AMBRA1: variants seen among roughly 807,000 people sequenced by gnomAD.
AMBRA1 encodes activating molecule in BECN1-regulated autophagy protein 1.
Under a neutral mutation model 125.4 loss-of-function variants are expected in AMBRA1, and 47 were observed. That is an observed-to-expected ratio of 0.37 (90% CI 0.30 to 0.48). The LOEUF (loss-of-function observed/expected upper bound fraction) is 0.48. Ranked by LOEUF, AMBRA1 falls within the 20% of genes least tolerant of loss-of-function variation. The pLI is 0.99. For missense variants in AMBRA1, 1,331 were observed against 1,693.4 expected (o/e 0.79, Z 3.76); for synonymous variants, 626 against 655.5 (o/e 0.95, Z 0.69).
chr11:46,564,441 A>C (rs1032021309), intron 1 of AMBRA1, among the ~76,000 whole-genome samples: 1 of 152,190 alleles, frequency 6.6e-6, no homozygotes, highest in Admixed American at 6.5e-5. Flanking sequence ...ACAGATCAGA[A>C]AACCAGGCAT....
chr11:46,475,689 GA>G (rs1949786056), intron 11 of AMBRA1, among the ~76,000 whole-genome samples: 1 of 152,138 alleles, frequency 6.6e-6, no homozygotes, highest in South Asian at 2.1e-4. Context: ...CAAAAGTTAT[GA>G]GTCATATAAA....
At chr11:46,476,314 T>A (rs1216819678) in intron 11 of AMBRA1, among the ~76,000 whole-genome samples, 1 of 152,170 alleles carries the variant, frequency 6.6e-6, no homozygotes, top group Non-Finnish European at 1.5e-5. Context: ...GAGTAGGGTG[T>A]GCACAAGTTA....
chr11:46,471,637 GTT>G (rs796326490), intron 11 of AMBRA1, among the ~76,000 whole-genome samples: 1 of 143,774 alleles, frequency 7.0e-6, no homozygotes. Flanking sequence ...GTTTTGTTTT[GTT>G]TTTTTTTTAG....
chr11:46,516,517 G>A (rs901936743), intron 7 of AMBRA1, among the ~76,000 whole-genome samples: 6 of 135,674 alleles, frequency 4.4e-5, no homozygotes, highest in South Asian at 2.5e-4. Context: ...TGCAAGCTCC[G>A]CCTCCTGGGT....
At chr11:46,505,067 G>A (rs1950982591) in intron 9 of AMBRA1, among the ~76,000 whole-genome samples, 1 of 152,204 alleles carries the variant, frequency 6.6e-6, no homozygotes, top group South Asian at 2.1e-4. Context: ...GAAGTGCTGA[G>A]AAGGTGAGGA....
chr11:46,409,236 C>T (rs1265316471), intron 16 of AMBRA1, among the ~76,000 whole-genome samples: 1 of 151,248 alleles, frequency 6.6e-6, no homozygotes, highest in South Asian at 2.1e-4. Context: ...GAGACAGTCT[C>T]GCCCTGTCAC....
chr11:46,460,930 T>C (rs1949067095), intron 11 of AMBRA1, among the ~76,000 whole-genome samples: 1 of 152,034 alleles, frequency 6.6e-6, no homozygotes, highest in Non-Finnish European at 1.5e-5. Flanking sequence ...CAAAAATAAA[T>C]AAATGAATTA....
intron 11 of AMBRA1, among the ~76,000 whole-genome samples, chr11:46,492,236 T>C (rs956522465): frequency 6.6e-6 from 1 of 152,192 alleles, no homozygotes; most frequent in Non-Finnish European, 1.5e-5. Context: ...AGTCCTGGTG[T>C]CTGACAGAGA....
rs779561872 is a variant in AMBRA1 at position 46,548,267 on chromosome 11, C to T, written c.114G>A (p.Arg38=). 3 of 1,614,054 alleles carry T rather than the reference C, an allele frequency of 1.9e-6. No homozygotes were observed. Among genetic ancestry groups the T allele is most frequent in the African/African-American group, 2.7e-5 (2 of 74,930 alleles). The change falls in exon 2 of 18, where the codon CGG becomes CGA. Residue 38 remains arginine (R), a synonymous_variant. Coordinates refer to ENST00000683756, the MANE Select transcript of AMBRA1 (RefSeq NM_001387011.1). ...TTACCTTGCCCTCCCATTTCATCCA[C>T]CGGGTTTTATCTTCTACCAGCTCCT... The part of the protein sequence containing the change: ...LLQELVEDKT[R]WMKWEGKRVE...
At chr11:46,434,115 CAA>C (rs145761376) in intron 13 of AMBRA1, among the ~76,000 whole-genome samples, 223 of 53,536 alleles carry the variant, frequency 4.2e-3, no homozygotes, top group African/African-American at 0.013. Context: ...AACTCCGTCT[CAA>C]AAAAAAAAAA....
chr11:46,542,316 G>C lies in AMBRA1; in HGVS notation c.1701C>G (p.Arg567=). ...TCAGGAGATTGTGGCAAGCACGACA[G>C]CGATTCAGGTGGCCACGGGACAGGT... is the stretch of plus-strand genomic sequence containing the variant. ...NSNLSRGHLN[R]CRACHNLLTF... Residue 567 remains arginine, a synonymous_variant, in exon 7 of 18, where the codon CGC becomes CGG. Coordinates refer to ENST00000683756, the MANE Select transcript of AMBRA1 (RefSeq NM_001387011.1). This position sits in a 1 kb window ranked among gnomAD's most constrained non-coding sequence, Gnocchi z 5.9. 1.2e-6 allele frequency: 2 copies of C among 1,614,134 alleles called. No individual in the cohort carries two copies. The highest frequency in any genetic ancestry group is 4.5e-5 in the East Asian group (2 of 44,886).
chr11:46,545,612 T>C lies in AMBRA1; in HGVS notation c.543A>G (p.Glu181=). The C allele has an allele frequency of 6.2e-7, 1 of 1,613,886 alleles. No individual in the cohort carries two copies. Among genetic ancestry groups the C allele is most frequent in the East Asian group, 2.2e-5 (1 of 44,888 alleles). ...TGGGGCAGCGCACTCACCGGACCCG[T>C]TCCATCTCACTAGCTGTCTTCACCA... ...FAVVKTASEM[E]RVRLVRFDPL... is the part of the protein sequence containing the mutation. Residue 181 remains glutamate (E), a synonymous_variant, in exon 5 of 18, where the codon GAA becomes GAG. Coordinates refer to ENST00000683756, the MANE Select transcript of AMBRA1 (RefSeq NM_001387011.1).
chr11:46,550,591 T>A (rs1329622580), intron 1 of AMBRA1, among the ~76,000 whole-genome samples: 1 of 152,198 alleles, frequency 6.6e-6, no homozygotes, highest in Non-Finnish European at 1.5e-5. Flanking sequence ...AAAATATTCA[T>A]TTTCTAATTC....
At position 46,508,266 on chromosome 11, in the gene AMBRA1, G is replaced by T. The variant is rs2135037358; in HGVS notation, c.2264C>A (p.Ser755Tyr). ...GTCTGAGGAAGAGGAGGAGGTGGAA[G>T]AACGGAGACGGTTCTGTTGGTAGCG... is the stretch of plus-strand genomic sequence containing the variant. ...SMRYQQNRLRSSTSSSSSDNQ... is the reference protein window; with the variant it reads ...SMRYQQNRLRYSTSSSSSDNQ... The change falls in exon 9 of 18, where the codon TCT (serine) becomes TAT (tyrosine). Residue 755 changes from serine (S) to tyrosine (Y), a missense_variant. This residue lies in a region of AMBRA1 where 689 missense variants were observed against 776.5 expected (regional missense o/e 0.89). Transcript: ENST00000683756. 3.1e-6 allele frequency: 5 copies of T among 1,614,222 alleles called. No individual in the cohort carries two copies. In the South Asian group the frequency reaches 5.5e-5, roughly 18 times the overall value.
At chr11:46,569,045 G>A (rs926208792) in intron 1 of AMBRA1, among the ~76,000 whole-genome samples, 2 of 151,588 alleles carry the variant, frequency 1.3e-5, no homozygotes, top group South Asian at 2.1e-4. Flanking sequence ...AACCTCAGGC[G>A]ATCCACCTGC....
At chr11:46,585,581 G>A (rs1192252849) in intron 1 of AMBRA1, among the ~76,000 whole-genome samples, 1 of 126,806 alleles carries the variant, frequency 7.9e-6, no homozygotes, top group South Asian at 2.9e-4. Context: ...CAGGAGAATC[G>A]CTTGAACCAA....
At chr11:46,415,240 C>T (rs1308762479) in intron 15 of AMBRA1, among the ~76,000 whole-genome samples, 1 of 152,238 alleles carries the variant, frequency 6.6e-6, no homozygotes. Context: ...CTGTAGACCG[C>T]TCAAAAGACA....
chr11:46,473,951 G>C (rs1590897821), intron 11 of AMBRA1, among the ~76,000 whole-genome samples: 2 of 152,142 alleles, frequency 1.3e-5, no homozygotes, highest in East Asian at 3.9e-4. Context: ...CACCCGGACA[G>C]GATCCTTTAA....
intron 1 of AMBRA1, among the ~76,000 whole-genome samples, chr11:46,568,613 A>C (rs952692989): frequency 1.5e-4 from 22 of 151,488 alleles, no homozygotes; most frequent in African/African-American, 5.3e-4. Flanking sequence ...TCTACTAAAA[A>C]GATATAAAAT....
Sources: gnomAD v4.1 joint callset for allele counts (sites outside exome capture counted in the v4.1 genomes callset) on GRCh38, gnomAD v4.1.1 for gene constraint, gnomAD v4.1.1 regional missense constraint, Gnocchi (gnomAD v3.1) non-coding constraint, MANE v1.5 for transcripts, NCBI Gene and HGNC (gene_info 2026-07-23, HGNC 2026-07-21) for gene names.